Variants in MED29 observed in about 807,000 individuals in gnomAD.
The protein encoded by MED29 is mediator complex subunit 29.
A neutral mutation model predicts 22.0 loss-of-function variants in MED29; 14 were observed. That is an observed-to-expected ratio of 0.64 (90% CI 0.42 to 0.99). MED29 has a LOEUF of 0.99. Among genes scored for constraint, MED29 ranks in the 50% least tolerant of loss-of-function variants. MED29 has a pLI of 0.00. For synonymous variants in MED29, 123 were observed against 107.8 expected, an observed-to-expected ratio of 1.14 and a Z score of -0.87; for missense variants, 241 against 253.7, an observed-to-expected ratio of 0.95 and a Z score of 0.34.
In MED29 at chr19:39,397,880, C is replaced by G; in HGVS notation, c.*181C>G. The G allele has an allele frequency of 1.0e-6, 1 of 986,338 alleles. No homozygotes were observed. Among genetic ancestry groups the G allele is most frequent in the Non-Finnish European group, 1.5e-6 (1 of 687,154 alleles). The allele number at this position is 986,338 out of a possible 1,614,324, so 61.1% of individuals were successfully genotyped here. A position where few individuals can be genotyped will look rare whatever the true frequency, so the allele number is the denominator to read the frequency against. ...CAGGCCGGGCCCCTGCGTCCCTGCC[C>G]CTTCTTCCTGCTCCCCCTCCTAGCC... On this transcript the variant is annotated 3_prime_UTR_variant, in exon 4 of 4. Coordinates refer to ENST00000315588, the MANE Select transcript of MED29 (RefSeq NM_017592.4).
At position 39,397,871 on chromosome 19, in the gene MED29, G is replaced by C. The variant is rs3746082; in HGVS notation, c.*172G>C. On this transcript the variant is annotated 3_prime_UTR_variant, in exon 4 of 4. Transcript: ENST00000315588. ...GGGAGCTCGCAGGCCGGGCCCCTGCGTCCCTGCCCCTTCTTCCTGCTCCCC... is the reference window on the plus strand; with the variant it reads ...GGGAGCTCGCAGGCCGGGCCCCTGCCTCCCTGCCCCTTCTTCCTGCTCCCC... The C allele has an allele frequency of 2.7e-6, 3 of 1,100,224 alleles. No homozygotes were observed. The allele number at this position is 1,100,224 out of a possible 1,614,324, so 68.2% of individuals were successfully genotyped here.
intron 1 of MED29, among the ~76,000 whole-genome samples, chr19:39,392,056 G>A (rs548454573): frequency 2.6e-5 from 4 of 152,154 alleles, no homozygotes; most frequent in African/African-American, 4.8e-5. Context: ...TAAAACTGTT[G>A]TTTTCTGCGA....
At chr19:39,392,957 C>T (rs1398354274) in intron 2 of MED29, among the ~76,000 whole-genome samples, 1 of 151,966 alleles carries the variant, frequency 6.6e-6, no homozygotes, top group Non-Finnish European at 1.5e-5. Context: ...GCCACGTTGT[C>T]CAGGCTGGTC....
rs956834823 is a variant in MED29, at chr19:39,399,600, C to T, written c.*1901C>T. On this transcript the variant is annotated 3_prime_UTR_variant, in exon 4 of 4. Transcript: ENST00000315588. ...GCACCCTCACACATCTCCTTAACCA[C>T]ACTTAATCTCCAAATAAGTACGATA... 1.3e-5 allele frequency: 2 copies of T among 152,350 alleles called. No individual in the cohort carries two copies. The highest frequency in any genetic ancestry group is 2.9e-5 in the Non-Finnish European group (2 of 68,026). 9.4% of individuals were successfully genotyped at this position (152,350 alleles called of 1,614,324 possible). A position where few individuals can be genotyped will look rare whatever the true frequency, so the allele number is the denominator to read the frequency against.
At chr19:39,396,410 G>C (rs2145954090) in intron 3 of MED29, among the ~76,000 whole-genome samples, 1 of 152,178 alleles carries the variant, frequency 6.6e-6, no homozygotes, top group Non-Finnish European at 1.5e-5. Flanking sequence ...ACTCCAGCCT[G>C]GGTAACAGAG....
chr19:39,392,533 C>T lies in MED29; in HGVS notation c.275+11C>T, dbSNP rs779450591. 25 of 1,612,650 alleles carry T rather than the reference C, an allele frequency of 1.6e-5. No individual in the cohort carries two copies. The highest frequency in any genetic ancestry group is 2.1e-5 in the Non-Finnish European group (25 of 1,178,994). On this transcript the variant is annotated intron_variant, in intron 2 of 3. Transcript: ENST00000315588. ...CATCGACAATGGACAGTGAGTGCAG[C>T]CCCCTTTACCAGGATATTCTATTGC...
At chr19:39,391,769 C>G in intron 1 of MED29, 131 bp downstream of exon 1, 1 of 1,130,194 alleles carries the variant, frequency 8.8e-7, no homozygotes. Flanking sequence ...CTGGCTGGTG[C>G]ACGCCTGTGT....
chr19:39,391,742 G>A lies in MED29; in HGVS notation c.216+104G>A, dbSNP rs2078382544. The A allele has an allele frequency of 2.2e-6, 3 of 1,379,534 alleles. No homozygotes were observed. In the East Asian group the frequency reaches 7.1e-5, roughly 33 times the overall value. The allele number at this position is 1,379,534 out of a possible 1,614,324, so 85.5% of individuals were successfully genotyped here. A position where few individuals can be genotyped will look rare whatever the true frequency, so the allele number is the denominator to read the frequency against. ...AGAGCGCTAAGCAGAAAGAGGAATA[G>A]AACCTGCTGTTTTGGCCTGGCTGGT... On this transcript the variant is annotated intron_variant, in intron 1 of 3. Coordinates refer to ENST00000315588, the MANE Select transcript of MED29 (RefSeq NM_017592.4).
chr19:39,397,927 T>G lies in MED29; in HGVS notation c.*228T>G. 1 of 683,414 alleles carries G rather than the reference T, an allele frequency of 1.5e-6. No individual in the cohort carries two copies. The highest frequency in any genetic ancestry group is 2.1e-5 in the South Asian group (1 of 48,722). The allele number at this position is 683,414 out of a possible 1,614,324, so 42.3% of individuals were successfully genotyped here. ...AGCCTAGGGTAGACTTTGAACTGTGTGTGTTGATGACTTCTCTGTTCCACA... is the reference window on the plus strand; with the variant it reads ...AGCCTAGGGTAGACTTTGAACTGTGGGTGTTGATGACTTCTCTGTTCCACA... On this transcript the variant is annotated 3_prime_UTR_variant, in exon 4 of 4. Transcript: ENST00000315588.
rs2078377147 is a variant in MED29 at position 39,391,437 on chromosome 19, G to C, written c.15G>C (p.Gln5His). Residue 5 changes from glutamine to histidine, a missense_variant, in exon 1 of 4, where the codon CAG (glutamine) becomes CAC (histidine). Physicochemically the swap from Gln to His is conservative, Grantham distance 24 (BLOSUM62 0). Coordinates refer to ENST00000315588, the MANE Select transcript of MED29 (RefSeq NM_017592.4). MAAS[Q>H]QQASAASSAA... ...ACGCGAGGAAGATGGCTGCATCCCAGCAGCAAGCTTCAGCGGCTTCCTCAG... is the reference window on the plus strand; with the variant it reads ...ACGCGAGGAAGATGGCTGCATCCCACCAGCAAGCTTCAGCGGCTTCCTCAG... The C allele has an allele frequency of 6.2e-7, 1 of 1,613,040 alleles. No homozygotes were observed. Among genetic ancestry groups the C allele is most frequent in the African/African-American group, 1.3e-5 (1 of 74,926 alleles).
At position 39,400,096 on chromosome 19, in the gene MED29, G is replaced by C. The variant is rs535564040; in HGVS notation, c.*2397G>C. ...AATGAGATCAGAAGTGGAGATGTTG[G>C]GGCCAGGCACAGTGGCCCAGGCCTG... On this transcript the variant is annotated 3_prime_UTR_variant, in exon 4 of 4. Coordinates refer to ENST00000315588, the MANE Select transcript of MED29 (RefSeq NM_017592.4). 6.6e-6 allele frequency: 1 copy of C among 152,330 alleles called. No homozygotes were observed. Among genetic ancestry groups the C allele is most frequent in the East Asian group, 1.9e-4 (1 of 5,184 alleles). 9.4% of individuals were successfully genotyped at this position (152,330 alleles called of 1,614,324 possible).
chr19:39,393,403 CT>C (rs796817839), intron 2 of MED29, 149 bp from the exon 3 acceptor site: 724 of 716,260 alleles, frequency 1.0e-3, no homozygotes, highest in Non-Finnish European at 1.2e-3. Flanking sequence ...GCCTCCTTTT[CT>C]TTTTTTTTGA....
chr19:39,392,335 G>A (rs2078390863), intron 1 of MED29, 129 bp from the exon 2 acceptor site: 2 of 775,088 alleles, frequency 2.6e-6, no homozygotes, highest in African/African-American at 3.4e-5. Context: ...ACTTTGGAAA[G>A]TCAGGAGGGA....
At chr19:39,394,339 G>A (rs942163249) in intron 3 of MED29, among the ~76,000 whole-genome samples, 1 of 152,118 alleles carries the variant, frequency 6.6e-6, no homozygotes, top group East Asian at 1.9e-4. Context: ...TAGGCTCACT[G>A]CAATCTCCTC....
Position 39,391,506 on chromosome 19 carries a change from C to CCAGCAG in MED29, c.89_94dup (p.Gln30_Gln31dup). On this transcript the variant is annotated inframe_insertion, in exon 1 of 4. Coordinates refer to ENST00000315588, the MANE Select transcript of MED29 (RefSeq NM_017592.4). ...CTAGTTCGGCTGGCGGCCCGGGTCC[C>CCAGCAG]CAGCAGCAGCCGCAACCGCCAGCAC... 1 of 1,612,630 alleles carries CCAGCAG rather than the reference C, an allele frequency of 6.2e-7. No individual in the cohort carries two copies. The highest frequency in any genetic ancestry group is 8.5e-7 in the Non-Finnish European group (1 of 1,179,860).
At chr19:39,392,382 T>A (rs1200329626) in intron 1 of MED29, 82 bp from the exon 2 acceptor site, 3 of 1,230,014 alleles carry the variant, frequency 2.4e-6, no homozygotes, top group Non-Finnish European at 2.4e-6. Flanking sequence ...GACTGAGTGA[T>A]CTCAAGAAAG....
intron 3 of MED29, among the ~76,000 whole-genome samples, chr19:39,395,714 C>T (rs951013388): frequency 1.3e-5 from 2 of 152,092 alleles, no homozygotes; most frequent in Admixed American, 6.6e-5. Flanking sequence ...GTCAGGAGAT[C>T]GAGACCATCC....
intron 3 of MED29, among the ~76,000 whole-genome samples, chr19:39,393,972 G>C (rs1261887383): frequency 6.6e-6 from 1 of 152,192 alleles, no homozygotes; most frequent in Non-Finnish European, 1.5e-5. Flanking sequence ...TGGAAGCCCA[G>C]GGTGGGGATA....
rs1332299552 is a variant in MED29 at position 39,400,549 on chromosome 19, AG to A, written c.*2851del. ...TGTTACTTTATTGAAAAACATTAAA[AG>A]TTTGAGAACTTAAGTTGGATTGTGG... On this transcript the variant is annotated 3_prime_UTR_variant, in exon 4 of 4. Transcript: ENST00000315588. 5 of 152,234 alleles carry A rather than the reference AG, an allele frequency of 3.3e-5. No homozygotes were observed. The highest frequency in any genetic ancestry group is 7.2e-5 in the African/African-American group (3 of 41,460). The allele number at this position is 152,234 out of a possible 1,614,324, so 9.4% of individuals were successfully genotyped here.
Sources: gnomAD v4.1 joint callset for allele counts (sites outside exome capture counted in the v4.1 genomes callset) on GRCh38, gnomAD v4.1.1 for gene constraint, MANE v1.5 for transcripts, NCBI Gene and HGNC (gene_info 2026-07-23, HGNC 2026-07-21) for gene names.